Variants in APBA1 observed in about 807,000 individuals in gnomAD.
APBA1 encodes amyloid beta precursor protein binding family A member 1, also known as amyloid-beta A4 precursor protein-binding family A member 1.
APBA1 carries 55 observed loss-of-function variants against 86.6 expected under a neutral mutation model. The observed-to-expected ratio is 0.64, with a 90% CI of 0.51 to 0.80. The LOEUF (loss-of-function observed/expected upper bound fraction) is 0.80. APBA1 is among the 30% of genes least tolerant of loss of function. The probability of loss-of-function intolerance (pLI) is 0.00; values close to 1 mark genes in which losing one functional copy is unlikely to be tolerated. For missense variants in APBA1, 1,090 were observed against 1,183.0 expected (o/e 0.92, Z 1.15); for synonymous variants, 511 against 493.9 (o/e 1.03, Z -0.46).
intron 1 of APBA1, among the ~76,000 whole-genome samples, chr9:69,594,291 C>T (rs1411443): frequency 0.027 from 4,119 of 152,184 alleles, 87 homozygotes; most frequent in African/African-American, 0.052. Flanking sequence ...TTGGATGGGG[C>T]CCAAGAGTCT....
intron 1 of APBA1, among the ~76,000 whole-genome samples, chr9:69,530,485 T>C (rs141368281): frequency 3.3e-5 from 5 of 152,064 alleles, no homozygotes; most frequent in Admixed American, 6.5e-5. Context: ...AAACTCCTCA[T>C]GTTCTCACTT....
chr9:69,575,298 T>C (rs1821770791), intron 1 of APBA1, among the ~76,000 whole-genome samples: 1 of 152,258 alleles, frequency 6.6e-6, no homozygotes, highest in South Asian at 2.1e-4. Context: ...AATTTATAGA[T>C]TCAATGCCAT....
At chr9:69,505,889 T>C (rs1362962164) in intron 2 of APBA1, among the ~76,000 whole-genome samples, 1 of 151,726 alleles carries the variant, frequency 6.6e-6, no homozygotes, top group Non-Finnish European at 1.5e-5. Context: ...CATGGTGGCA[T>C]GCACCTGTAG....
chr9:69,563,496 A>G (rs892215998), intron 1 of APBA1, among the ~76,000 whole-genome samples: 5 of 152,200 alleles, frequency 3.3e-5, no homozygotes, highest in African/African-American at 1.2e-4. Flanking sequence ...TCAAAAGCAT[A>G]AAAGATGCCT....
chr9:69,544,435 A>G (rs1836665111), intron 1 of APBA1, among the ~76,000 whole-genome samples: 2 of 152,224 alleles, frequency 1.3e-5, no homozygotes, highest in Admixed American at 1.3e-4. Flanking sequence ...CATATAACAT[A>G]CTCCCATGCA....
rs755256398 is a variant in APBA1 at position 69,516,887 on chromosome 9, G to A, written c.324C>T (p.Arg108=). Residue 108 remains arginine (R), a synonymous_variant, in exon 2 of 13, where the codon CGC becomes CGT. Transcript: ENST00000265381. This position sits in a 1 kb window ranked among gnomAD's most constrained non-coding sequence, Gnocchi z 7.3. Reference sequence around the variant, plus strand: ...CGCTCTCGTCCTCGGGGTCCTGCGCGCGCTCCGCATCGTAGCCGTCGCGGG... The same window carrying A: ...CGCTCTCGTCCTCGGGGTCCTGCGCACGCTCCGCATCGTAGCCGTCGCGGG... The part of the protein sequence containing the change: ...AAARDGYDAE[R]AQDPEDESAY... 11 of 1,594,598 alleles carry A rather than the reference G, an allele frequency of 6.9e-6. No homozygotes were observed. In the East Asian group the frequency reaches 1.8e-4, roughly 26 times the overall value.
At chr9:69,495,155 C>G (rs996221609) in intron 2 of APBA1, among the ~76,000 whole-genome samples, 3 of 152,058 alleles carry the variant, frequency 2.0e-5, no homozygotes, top group Admixed American at 6.5e-5. Context: ...CTTCCAAGCC[C>G]CAGGCAAACC....
intron 9 of APBA1, 24 bp downstream of exon 9, chr9:69,452,098 G>T: frequency 6.2e-7 from 1 of 1,608,510 alleles, no homozygotes; most frequent in Non-Finnish European, 8.5e-7. Flanking sequence ...CCAGCCTGGA[G>T]AACAGCTTCA....
intron 1 of APBA1, among the ~76,000 whole-genome samples, chr9:69,532,709 A>C (rs777514897): frequency 1.3e-5 from 2 of 152,168 alleles, no homozygotes; most frequent in Non-Finnish European, 2.9e-5. Context: ...TTCAGTGTAC[A>C]ATACCAAACC....
chr9:69,431,424 G>C lies in APBA1; in HGVS notation c.2443-26C>G, dbSNP rs777968222. The C allele has an allele frequency of 2.3e-5, 37 of 1,604,270 alleles. No individual in the cohort carries two copies. The East Asian group carries it at 5.6e-4, about 24-fold the overall frequency. On this transcript the variant is annotated intron_variant, in intron 12 of 12. Transcript: ENST00000265381. Reference sequence around the variant, plus strand: ...CTGAGGGTAAAGAACACACTTTAGTGGGGGGCTGAGGCTGGGGGCTGGCTG... The same window carrying C: ...CTGAGGGTAAAGAACACACTTTAGTCGGGGGCTGAGGCTGGGGGCTGGCTG...
intron 2 of APBA1, among the ~76,000 whole-genome samples, chr9:69,498,949 T>C (rs1835841231): frequency 6.6e-6 from 1 of 152,104 alleles, no homozygotes; most frequent in Admixed American, 6.5e-5. Flanking sequence ...CATTTGCTTG[T>C]GTAAGAAGTT....
chr9:69,521,223 T>G (rs1836246516), intron 1 of APBA1, among the ~76,000 whole-genome samples: 2 of 152,212 alleles, frequency 1.3e-5, no homozygotes, highest in Non-Finnish European at 2.9e-5. Flanking sequence ...GTCTGGGCTC[T>G]TGAGTCCTAT....
chr9:69,432,390 G>GAGAC (rs1834616946), intron 12 of APBA1, 146 bp downstream of exon 12: 1 of 744,306 alleles, frequency 1.3e-6, no homozygotes, highest in African/African-American at 1.8e-5. Context: ...CATTTGGTCA[G>GAGAC]AGACAGGTCT....
rs1836183010 is a variant in APBA1, at chr9:69,517,280, C to T, written c.-69-1G>A. ...TGCGCTCTCATTTTGCTCCACTGGG[C>T]TGGAAAAACAAGAAGGGGAGAGGCT... On this transcript the variant is annotated splice_acceptor_variant, in intron 1 of 12. Transcript: ENST00000265381. LOFTEE classifies it low-confidence loss of function (5UTR_SPLICE). 7.1e-7 allele frequency: 1 copy of T among 1,408,002 alleles called. No homozygotes were observed. The highest frequency in any genetic ancestry group is 3.2e-5 in the Admixed American group (1 of 31,004). The allele number at this position is 1,408,002 out of a possible 1,614,324, so 87.2% of individuals were successfully genotyped here. A position where few individuals can be genotyped will look rare whatever the true frequency, so the allele number is the denominator to read the frequency against.
intron 1 of APBA1, among the ~76,000 whole-genome samples, chr9:69,644,592 C>A (rs1304824401): frequency 6.6e-6 from 1 of 152,200 alleles, no homozygotes; most frequent in Non-Finnish European, 1.5e-5. Flanking sequence ...TACAGAGTCC[C>A]AGCAAACCTG....
chr9:69,526,282 GA>G (rs1836340495), intron 1 of APBA1, among the ~76,000 whole-genome samples: 1 of 152,022 alleles, frequency 6.6e-6, no homozygotes, highest in Non-Finnish European at 1.5e-5. Context: ...AGAGTAAACA[GA>G]TAACCTATAG....
intron 1 of APBA1, among the ~76,000 whole-genome samples, chr9:69,591,864 C>T (rs564282036): frequency 3.9e-5 from 6 of 152,244 alleles, no homozygotes; most frequent in African/African-American, 1.4e-4. Context: ...CTTTTGCATG[C>T]TTTTCTTTTG....
chr9:69,542,280 A>G (rs945430877), intron 1 of APBA1, among the ~76,000 whole-genome samples: 2 of 152,220 alleles, frequency 1.3e-5, no homozygotes, highest in Non-Finnish European at 2.9e-5. Context: ...TATAAAACAA[A>G]GTCCATCGTT....
At chr9:69,431,944 AAATG>A (rs58792283) in intron 12 of APBA1, among the ~76,000 whole-genome samples, 31 of 140,378 alleles carry the variant, frequency 2.2e-4, no homozygotes, top group African/African-American at 1.0e-3. Flanking sequence ...CAGCAGTGAT[AAATG>A]AATGACAGCA....
Sources: gnomAD v4.1 joint callset for allele counts (sites outside exome capture counted in the v4.1 genomes callset) on GRCh38, gnomAD v4.1.1 for gene constraint, Gnocchi (gnomAD v3.1) non-coding constraint, MANE v1.5 for transcripts, NCBI Gene and HGNC (gene_info 2026-07-23, HGNC 2026-07-21) for gene names.